SLC9C1: variants seen among roughly 807,000 people sequenced by gnomAD.
SLC9C1 encodes solute carrier family 9 member C1.
SLC9C1 carries 97 observed loss-of-function variants against 140.9 expected under a neutral mutation model. That is an observed-to-expected ratio of 0.69 (90% CI 0.58 to 0.82). SLC9C1 has a LOEUF of 0.82. Ranked by LOEUF, SLC9C1 falls within the 40% of genes least tolerant of loss-of-function variation. The probability of loss-of-function intolerance (pLI) is 0.00; values close to 1 mark genes in which losing one functional copy is unlikely to be tolerated. For missense variants in SLC9C1, 1,340 were observed against 1,389.3 expected (o/e 0.96, Z 0.56); for synonymous variants, 440 against 442.6 (o/e 0.99, Z 0.07).
chr3:112,243,377 G>A (rs1367061191), intron 11 of SLC9C1, among the ~76,000 whole-genome samples: 2 of 152,168 alleles, frequency 1.3e-5, no homozygotes, highest in Non-Finnish European at 2.9e-5. Context: ...CATGGATAAA[G>A]CCAGAGACCA....
At chr3:112,284,767 G>A (rs541499788) in intron 2 of SLC9C1, among the ~76,000 whole-genome samples, 2 of 152,228 alleles carry the variant, frequency 1.3e-5, no homozygotes, top group African/African-American at 4.8e-5. Flanking sequence ...AAGAAGGAGT[G>A]AGACAATTTG....
Position 112,270,005 on chromosome 3 carries a change from A to C in SLC9C1, c.686T>G (p.Leu229Arg). The C allele has an allele frequency of 6.2e-7, 1 of 1,600,756 alleles. No homozygotes were observed. Among genetic ancestry groups the C allele is most frequent in the Non-Finnish European group, 8.5e-7 (1 of 1,174,308 alleles). Residue 229 changes from leucine to arginine, a missense_variant, in exon 7 of 29, where the codon CTG (leucine) becomes CGG (arginine). Leu to Arg is a moderately radical substitution (Grantham distance 102). Coordinates refer to ENST00000305815, the MANE Select transcript of SLC9C1 (RefSeq NM_183061.3). ...AACAGTTGACATCCAAAATTGAATCAGTTTTGAACTTAGAATTCCAAACAA... is the reference window on the plus strand; with the variant it reads ...AACAGTTGACATCCAAAATTGAATCCGTTTTGAACTTAGAATTCCAAACAA... ...SFLFGILSSK[L>R]IQFWMSTVFG...
intron 1 of SLC9C1, among the ~76,000 whole-genome samples, chr3:112,293,231 G>A (rs1279999382): frequency 6.6e-6 from 1 of 151,958 alleles, no homozygotes; most frequent in Admixed American, 6.6e-5. Context: ...AGCCTAGATT[G>A]TGCCACTGCA....
chr3:112,169,027 A>G lies in SLC9C1; in HGVS notation c.3087T>C (p.Asn1029=). Residue 1029 remains asparagine, a synonymous_variant, in exon 25 of 29, where the codon AAT becomes AAC. Transcript: ENST00000305815. ...WNYNMQLKLS[N]IYVVDIPMST... ...TCATTGGTATATCTACTACATAAAT[A>G]TTAGAGAGCTTTAGTTGCATATTGT... The G allele has an allele frequency of 6.3e-7, 1 of 1,598,696 alleles. No individual in the cohort carries two copies. Among genetic ancestry groups the G allele is most frequent in the South Asian group, 1.1e-5 (1 of 87,066 alleles).
chr3:112,210,210 A>G (rs759768141), intron 15 of SLC9C1, among the ~76,000 whole-genome samples: 39 of 152,238 alleles, frequency 2.6e-4, no homozygotes, highest in Non-Finnish European at 4.9e-4. Context: ...AAACTTGCAC[A>G]TGAATGTTCA....
intron 14 of SLC9C1, among the ~76,000 whole-genome samples, chr3:112,218,602 G>T (rs1007330249): frequency 1.4e-4 from 22 of 152,058 alleles, no homozygotes; most frequent in Non-Finnish European, 2.4e-4. Context: ...TTCAACATCT[G>T]CTATTGTTGT....
chr3:112,152,496 G>C (rs544089818), intron 27 of SLC9C1, among the ~76,000 whole-genome samples: 2 of 151,756 alleles, frequency 1.3e-5, no homozygotes, highest in African/African-American at 2.4e-5. Context: ...TCCCAGGGAC[G>C]AGCAGGAGAC....
chr3:112,219,646 T>G (rs1424342436), intron 14 of SLC9C1, among the ~76,000 whole-genome samples: 1 of 152,160 alleles, frequency 6.6e-6, no homozygotes. Flanking sequence ...TGGCACAATC[T>G]CAGCTCACTG....
At chr3:112,271,495 TG>T (rs1269164552) in intron 6 of SLC9C1, among the ~76,000 whole-genome samples, 1 of 151,344 alleles carries the variant, frequency 6.6e-6, no homozygotes, top group Non-Finnish European at 1.5e-5. Context: ...TCATTGTCTT[TG>T]GGGTAGATGG....
At chr3:112,257,214 G>A (rs188649046) in intron 10 of SLC9C1, among the ~76,000 whole-genome samples, 1 of 152,204 alleles carries the variant, frequency 6.6e-6, no homozygotes, top group East Asian at 1.9e-4. Context: ...AAATTCGTAT[G>A]GAACCAAAAA....
chr3:112,272,020 G>C (rs1307469634), intron 6 of SLC9C1, among the ~76,000 whole-genome samples: 1 of 152,124 alleles, frequency 6.6e-6, no homozygotes, highest in Non-Finnish European at 1.5e-5. Flanking sequence ...TTTCCACAGA[G>C]CAATGTCATG....
intron 7 of SLC9C1, among the ~76,000 whole-genome samples, chr3:112,269,316 C>G (rs2080007808): frequency 6.6e-6 from 1 of 152,154 alleles, no homozygotes; most frequent in Admixed American, 6.5e-5. Flanking sequence ...CACTATCTTA[C>G]CCAGACTGGT....
chr3:112,204,159 C>T (rs1370721209), intron 17 of SLC9C1, 59 bp downstream of exon 17: 6 of 1,363,874 alleles, frequency 4.4e-6, no homozygotes, highest in Non-Finnish European at 5.7e-6. Flanking sequence ...TAATTTTACT[C>T]TATGTTTTAT....
chr3:112,151,534 T>C (rs754938731), intron 28 of SLC9C1: 2 of 525,338 alleles, frequency 3.8e-6, no homozygotes, highest in East Asian at 1.1e-4. Flanking sequence ...CTTATCTTTT[T>C]ATATCTTCCA....
At chr3:112,151,127 C>T (rs188017919) in intron 28 of SLC9C1, among the ~76,000 whole-genome samples, 10 of 152,096 alleles carry the variant, frequency 6.6e-5, no homozygotes, top group Non-Finnish European at 1.0e-4. Flanking sequence ...TGAGCCACCG[C>T]GCCCAGCCTG....
chr3:112,152,292 C>T (rs1239859225), intron 27 of SLC9C1, among the ~76,000 whole-genome samples: 16 of 151,866 alleles, frequency 1.1e-4, no homozygotes, highest in Non-Finnish European at 1.8e-4. Context: ...GACTTTGTGT[C>T]ATAAGTAAGT....
intron 13 of SLC9C1, among the ~76,000 whole-genome samples, chr3:112,224,340 T>C (rs1465213122): frequency 6.6e-6 from 1 of 152,068 alleles, no homozygotes; most frequent in Non-Finnish European, 1.5e-5. Flanking sequence ...AAAGCCACTA[T>C]ACAAAATTGA....
At chr3:112,260,627 G>A (rs28676269) in intron 10 of SLC9C1, among the ~76,000 whole-genome samples, 41 of 152,200 alleles carry the variant, frequency 2.7e-4, no homozygotes, top group African/African-American at 8.7e-4. Context: ...CTACTAAGGC[G>A]TGATTCTAGT....
At chr3:112,215,364 T>C (rs1251396383) in intron 15 of SLC9C1, among the ~76,000 whole-genome samples, 1 of 152,122 alleles carries the variant, frequency 6.6e-6, no homozygotes, top group Non-Finnish European at 1.5e-5. Context: ...GCCAGGGCAA[T>C]CAGGCAGGAG....
Sources: gnomAD v4.1 joint callset for allele counts (sites outside exome capture counted in the v4.1 genomes callset) on GRCh38, gnomAD v4.1.1 for gene constraint, MANE v1.5 for transcripts, NCBI Gene and HGNC (gene_info 2026-07-23, HGNC 2026-07-21) for gene names.